The following PIBF1 variants were observed in gnomAD, a reference collection of about 807,000 sequenced individuals.
PIBF1 encodes the protein progesterone-induced-blocking factor 1.
Under a neutral mutation model 112.5 loss-of-function variants are expected in PIBF1, and 90 were observed. The observed-to-expected ratio is 0.80, with a 90% confidence interval of 0.67 to 0.95. The LOEUF (loss-of-function observed/expected upper bound fraction) is 0.95. Among genes scored for constraint, PIBF1 ranks in the 40% least tolerant of loss-of-function variants. The pLI is 0.00. For missense variants in PIBF1, 915 were observed against 852.3 expected (o/e 1.07, Z -0.92); for synonymous variants, 301 against 288.6 (o/e 1.04, Z -0.44).
rs2040281865 is a variant in PIBF1 at position 72,896,352 on chromosome 13, A to G, written c.1488+2403A>G. Reference sequence around the variant, plus strand: ...CTCTGAGAGAGCCTACCCAAATGAGAAGGAACCAGAAAACCAACCCTGGTA... The same window carrying G: ...CTCTGAGAGAGCCTACCCAAATGAGGAGGAACCAGAAAACCAACCCTGGTA... On this transcript the variant is annotated intron_variant, in intron 11 of 17. Coordinates refer to ENST00000326291, the MANE Select transcript of PIBF1 (RefSeq NM_006346.4). Among the ~76,000 whole-genome samples, 3 of 152,254 alleles carry G rather than the reference A, an allele frequency of 2.0e-5. No homozygotes were observed. The South Asian group carries it at 6.2e-4, about 32-fold the overall frequency.
chr13:72,997,710 A>G (rs1412999950), intron 16 of PIBF1, among the ~76,000 whole-genome samples: 1 of 152,212 alleles, frequency 6.6e-6, no homozygotes, highest in East Asian at 1.9e-4. Context: ...TTCTATCACC[A>G]TAACTTTCGT....
intron 14 of PIBF1, among the ~76,000 whole-genome samples, chr13:72,964,917 T>TG (rs1359042741): frequency 2.6e-5 from 4 of 151,906 alleles, no homozygotes; most frequent in African/African-American, 7.3e-5. Flanking sequence ...CAAAAATTAG[T>TG]GGGGCATGGT....
chr13:72,791,037 T>TTTTG (rs141805152), intron 2 of PIBF1, among the ~76,000 whole-genome samples: 45,012 of 149,634 alleles, frequency 0.3, 7,538 homozygotes, highest in Admixed American at 0.44. Flanking sequence ...ATTCATGTAT[T>TTTTG]TTTGTTTGTT....
At chr13:73,007,690 T>C (rs1314562973) in intron 17 of PIBF1, among the ~76,000 whole-genome samples, 1 of 151,610 alleles carries the variant, frequency 6.6e-6, no homozygotes, top group Non-Finnish European at 1.5e-5. Flanking sequence ...ACGCCTGTAA[T>C]CCTAGCTACT....
chr13:72,884,640 G>A (rs889410001), intron 10 of PIBF1: 3 of 152,086 alleles, frequency 2.0e-5, no homozygotes, highest in African/African-American at 7.2e-5. Context: ...TTTTTATCCT[G>A]AAGTGTTGGA....
intron 14 of PIBF1, among the ~76,000 whole-genome samples, chr13:72,961,511 G>A (rs2042607456): frequency 6.6e-6 from 1 of 152,006 alleles, no homozygotes; most frequent in Non-Finnish European, 1.5e-5. Flanking sequence ...AATCTTTAAT[G>A]GAACTTTTTA....
intron 14 of PIBF1, among the ~76,000 whole-genome samples, chr13:72,948,743 G>A (rs1419390762): frequency 6.6e-6 from 1 of 152,224 alleles, no homozygotes; most frequent in Middle Eastern, 3.2e-3. Context: ...TACAATCATG[G>A]TGGAAGGGTA....
intron 10 of PIBF1, among the ~76,000 whole-genome samples, chr13:72,862,373 G>A (rs2038732628): frequency 6.6e-6 from 1 of 152,200 alleles, no homozygotes; most frequent in Non-Finnish European, 1.5e-5. Flanking sequence ...GGAGGCTGAG[G>A]CAAGAGAATC....
chr13:72,897,990 C>T (rs1217214270), intron 11 of PIBF1, among the ~76,000 whole-genome samples: 2 of 152,142 alleles, frequency 1.3e-5, no homozygotes, highest in African/African-American at 2.4e-5. Flanking sequence ...AACATTTCAT[C>T]GAACAACTGC....
intron 9 of PIBF1, among the ~76,000 whole-genome samples, chr13:72,843,796 G>T (rs1303567197): frequency 6.6e-6 from 1 of 152,144 alleles, no homozygotes; most frequent in South Asian, 2.1e-4. Context: ...TACTAGAGAT[G>T]TTTCTCTGCT....
intron 9 of PIBF1, among the ~76,000 whole-genome samples, chr13:72,835,710 T>C (rs1011484506): frequency 6.6e-6 from 1 of 152,214 alleles, no homozygotes; most frequent in African/African-American, 2.4e-5. Context: ...CGATTTCTCC[T>C]GGAAACTTGT....
chr13:72,852,303 C>T (rs1161280822), intron 9 of PIBF1, among the ~76,000 whole-genome samples: 1 of 152,210 alleles, frequency 6.6e-6, no homozygotes, highest in Admixed American at 6.5e-5. Context: ...CTGCATTCCC[C>T]GGTGCCAGCA....
intron 2 of PIBF1, among the ~76,000 whole-genome samples, chr13:72,791,180 G>A (rs1373666098): frequency 2.0e-5 from 3 of 151,834 alleles, no homozygotes; most frequent in African/African-American, 7.3e-5. Flanking sequence ...TCAGCCTCCC[G>A]AGTAGCTGGG....
intron 13 of PIBF1, among the ~76,000 whole-genome samples, chr13:72,930,958 T>G (rs1459268067): frequency 6.6e-6 from 1 of 152,230 alleles, no homozygotes; most frequent in Non-Finnish European, 1.5e-5. Flanking sequence ...GGTTATGTTT[T>G]AATGTTGTTA....
chr13:72,935,876 G>A (rs1047124916), intron 14 of PIBF1, among the ~76,000 whole-genome samples: 5 of 151,834 alleles, frequency 3.3e-5, no homozygotes, highest in African/African-American at 9.7e-5. Flanking sequence ...GTTTTATCAG[G>A]TTGTTTGTCC....
At chr13:72,902,380 C>T (rs935806698) in intron 11 of PIBF1, among the ~76,000 whole-genome samples, 4 of 146,818 alleles carry the variant, frequency 2.7e-5, no homozygotes, top group African/African-American at 5.1e-5. Context: ...CAATAACTTA[C>T]GGAAAAATAA....
chr13:72,827,244 T>C (rs1253899851), intron 7 of PIBF1, 126 bp downstream of exon 7: 1 of 319,858 alleles, frequency 3.1e-6, no homozygotes, highest in African/African-American at 2.4e-5. Context: ...ATAAATTTTT[T>C]TTTTTTTTTT....
At chr13:72,835,794 T>C (rs2037329462) in intron 9 of PIBF1, among the ~76,000 whole-genome samples, 1 of 152,142 alleles carries the variant, frequency 6.6e-6, no homozygotes, top group African/African-American at 2.4e-5. Flanking sequence ...TCGTATTAGG[T>C]AATCCTGAAG....
chr13:72,916,602 G>A (rs9600038), intron 12 of PIBF1, among the ~76,000 whole-genome samples: 4,076 of 151,782 alleles, frequency 0.027, 74 homozygotes, highest in Non-Finnish European at 0.041. Context: ...GCTTAGAGCT[G>A]CACAGTTTTT....
Sources: allele counts gnomAD v4.1 joint callset (sites outside exome capture counted in the v4.1 genomes callset), GRCh38; gene constraint gnomAD v4.1.1; transcripts MANE v1.5; gene names NCBI Gene and HGNC (gene_info 2026-07-23, HGNC 2026-07-21).